ATF6: variants seen among roughly 807,000 people sequenced by gnomAD.
The protein encoded by ATF6 is cyclic AMP-dependent transcription factor ATF-6 alpha.
Under a neutral mutation model 83.6 loss-of-function variants are expected in ATF6, and 53 were observed. That is an observed-to-expected ratio of 0.63 (90% CI 0.51 to 0.80). ATF6 has a LOEUF of 0.80. Among genes scored for constraint, ATF6 ranks in the 30% least tolerant of loss-of-function variants. The pLI is 0.00. For missense variants in ATF6, 744 were observed against 797.9 expected (o/e 0.93, Z 0.81); for synonymous variants, 288 against 285.8 (o/e 1.01, Z -0.08).
chr1:161,811,769 ATCCATCCATCCATCCATC>A (rs1685468872), intron 7 of ATF6, among the ~76,000 whole-genome samples: 1 of 137,662 alleles, frequency 7.3e-6, no homozygotes, highest in Non-Finnish European at 1.6e-5. Context: ...CCATCCATCC[ATCCATCCATCCATCCATC>A]CATATACACA....
chr1:161,923,435 A>G (rs1259681424), intron 15 of ATF6, among the ~76,000 whole-genome samples: 1 of 152,054 alleles, frequency 6.6e-6, no homozygotes, highest in East Asian at 1.9e-4. Flanking sequence ...TAGTGTATCC[A>G]TTTTTAACTC....
chr1:161,780,566 G>C (rs1004742075), intron 2 of ATF6, among the ~76,000 whole-genome samples: 4 of 151,814 alleles, frequency 2.6e-5, no homozygotes, highest in South Asian at 2.1e-4. Context: ...GTAGAGATGG[G>C]GTTTCACCAT....
intron 14 of ATF6, among the ~76,000 whole-genome samples, chr1:161,905,520 C>G (rs1246936713): frequency 6.6e-6 from 1 of 152,198 alleles, no homozygotes; most frequent in Non-Finnish European, 1.5e-5. Flanking sequence ...AGGAAATTCA[C>G]TTCCTACCAG....
intron 15 of ATF6, among the ~76,000 whole-genome samples, chr1:161,933,772 A>G (rs1236491188): frequency 6.6e-6 from 1 of 152,114 alleles, no homozygotes; most frequent in Non-Finnish European, 1.5e-5. Flanking sequence ...TTCCAGTTTC[A>G]TTTCCTATTG....
rs1454883496 is a variant in ATF6, at chr1:161,830,402, C to T, written c.1187+9241C>T. Among the ~76,000 whole-genome samples, 4 of 152,310 alleles carry T rather than the reference C, an allele frequency of 2.6e-5. No homozygotes were observed. The East Asian group carries it at 7.7e-4, about 29-fold the overall frequency. On this transcript the variant is annotated intron_variant, in intron 9 of 15. Coordinates refer to ENST00000367942, the MANE Select transcript of ATF6 (RefSeq NM_007348.4). ...GTAATTTATAGATTCAATGCCATCT[C>T]CATCAAGCTACCAATGACTTTCTTC...
chr1:161,849,793 G>A (rs1223851990), intron 10 of ATF6, among the ~76,000 whole-genome samples: 1 of 152,104 alleles, frequency 6.6e-6, no homozygotes, highest in East Asian at 1.9e-4. Context: ...AGTCTCCAGA[G>A]TCACATATCC....
At chr1:161,811,304 C>T (rs1685449308) in intron 7 of ATF6, among the ~76,000 whole-genome samples, 1 of 152,162 alleles carries the variant, frequency 6.6e-6, no homozygotes, top group Admixed American at 6.5e-5. Flanking sequence ...TAATTGTTAG[C>T]AGGAGAGATC....
intron 15 of ATF6, among the ~76,000 whole-genome samples, chr1:161,941,019 G>C (rs1295622205): frequency 1.3e-5 from 2 of 152,102 alleles, no homozygotes; most frequent in Non-Finnish European, 2.9e-5. Context: ...CTTGGTCAGG[G>C]GCAAGGGCTT....
chr1:161,886,406 A>C (rs1687419574), intron 14 of ATF6, among the ~76,000 whole-genome samples: 1 of 152,242 alleles, frequency 6.6e-6, no homozygotes, highest in Non-Finnish European at 1.5e-5. Context: ...CATCTTATAC[A>C]GTTATACATC....
At chr1:161,795,002 C>T (rs148963519) in intron 6 of ATF6, among the ~76,000 whole-genome samples, 2 of 152,112 alleles carry the variant, frequency 1.3e-5, no homozygotes, top group African/African-American at 2.4e-5. Flanking sequence ...TAGATGATGG[C>T]GAAAATTATT....
intron 7 of ATF6, among the ~76,000 whole-genome samples, chr1:161,807,152 A>G (rs921993295): frequency 6.6e-6 from 1 of 152,186 alleles, no homozygotes; most frequent in Non-Finnish European, 1.5e-5. Context: ...TTGCATACCC[A>G]ATAAGACGTG....
chr1:161,795,656 G>A (rs756288726), intron 6 of ATF6, among the ~76,000 whole-genome samples: 2 of 152,200 alleles, frequency 1.3e-5, no homozygotes, highest in Non-Finnish European at 1.5e-5. Flanking sequence ...TTCCGTTAAG[G>A]GGGATTTGCA....
intron 15 of ATF6, among the ~76,000 whole-genome samples, chr1:161,925,819 A>T (rs1356304794): frequency 3.9e-5 from 6 of 152,234 alleles, no homozygotes; most frequent in Non-Finnish European, 8.8e-5. Context: ...ATGAACACAC[A>T]GTGAAATTTG....
Position 161,958,670 on chromosome 1 carries a change from C to A in ATF6, c.*16C>A. On this transcript the variant is annotated 3_prime_UTR_variant, in exon 16 of 16. Coordinates refer to ENST00000367942, the MANE Select transcript of ATF6 (RefSeq NM_007348.4). ...ATTACAATAGCACCCTGCAGCTATG[C>A]TGGAAAACTGAGCGTGGGACCCTGC... 6.3e-7 allele frequency: 1 copy of A among 1,590,504 alleles called. No homozygotes were observed.
At chr1:161,935,571 AACAG>A (rs1335129066) in intron 15 of ATF6, among the ~76,000 whole-genome samples, 1 of 152,234 alleles carries the variant, frequency 6.6e-6, no homozygotes, top group Non-Finnish European at 1.5e-5. Context: ...CAGCAGCCTG[AACAG>A]ACAGAGACAA....
intron 6 of ATF6, among the ~76,000 whole-genome samples, chr1:161,795,115 TA>T (rs1684984091): frequency 6.6e-6 from 1 of 152,110 alleles, no homozygotes; most frequent in South Asian, 2.1e-4. Context: ...TCTATGTGAA[TA>T]ATCACTATAC....
At position 161,959,928 on chromosome 1, in the gene ATF6, T is replaced by G. The variant is rs1169275243; in HGVS notation, c.*1274T>G. ...ACTTTAGACTTAAACAAGACAAAAG[T>G]TTTTTCACTGAAGAATTGACAAGTA... is the stretch of plus-strand genomic sequence containing the variant. On this transcript the variant is annotated 3_prime_UTR_variant, in exon 16 of 16. Coordinates refer to ENST00000367942, the MANE Select transcript of ATF6 (RefSeq NM_007348.4). The G allele has an allele frequency of 2.6e-5, 4 of 152,130 alleles. No individual in the cohort carries two copies. Among genetic ancestry groups the G allele is most frequent in the African/African-American group, 9.7e-5 (4 of 41,438 alleles). The allele number at this position is 152,130 out of a possible 1,614,324, so 9.4% of individuals were successfully genotyped here.
chr1:161,837,405 C>A (rs551480255), intron 9 of ATF6, among the ~76,000 whole-genome samples: 1 of 152,264 alleles, frequency 6.6e-6, no homozygotes, highest in Non-Finnish European at 1.5e-5. Flanking sequence ...TGTGCCGTGC[C>A]TTTGGACTTT....
chr1:161,793,607 A>G (rs984716000), intron 6 of ATF6, among the ~76,000 whole-genome samples: 6 of 152,258 alleles, frequency 3.9e-5, no homozygotes, highest in African/African-American at 1.4e-4. Flanking sequence ...ACTAATGAAG[A>G]ACCTCATTGT....
Sources: allele counts gnomAD v4.1 joint callset (sites outside exome capture counted in the v4.1 genomes callset), GRCh38; gene constraint gnomAD v4.1.1; transcripts MANE v1.5; gene names NCBI Gene and HGNC (gene_info 2026-07-23, HGNC 2026-07-21).